Variants in PIEZO2 observed in about 807,000 individuals in gnomAD.
PIEZO2 encodes the protein piezo-type mechanosensitive ion channel component 2.
PIEZO2 carries 172 observed loss-of-function variants against 337.3 expected under a neutral mutation model. The ratio of observed to expected loss-of-function variants is 0.51; its 90% CI spans 0.45 to 0.58. PIEZO2 has a LOEUF of 0.58. Among genes scored for constraint, PIEZO2 ranks in the 20% least tolerant of loss-of-function variants. PIEZO2 has a pLI of 0.00. For synonymous variants in PIEZO2, 1,251 were observed against 1,228.5 expected, an observed-to-expected ratio of 1.02 and a Z score of -0.38; for missense variants, 3,028 against 3,391.3, an observed-to-expected ratio of 0.89 and a Z score of 2.66.
In PIEZO2 at chr18:11,132,058, T is replaced by C. The variant is rs1383910839; in HGVS notation, c.64+16467A>G. On this transcript the variant is annotated intron_variant, in intron 1 of 55. Transcript: ENST00000674853. This position sits in a 1 kb window ranked among gnomAD's most constrained non-coding sequence, Gnocchi z 4.7. ...ATACTGAGCCCTCGATATGTCACCT[T>C]TCCTCAGGGTGATCAGCCAGCTACC... 6.6e-6 allele frequency among the ~76,000 whole-genome samples: 1 copy of C among 152,196 alleles called. No homozygotes were observed. Among genetic ancestry groups the C allele is most frequent in the Non-Finnish European group, 1.5e-5 (1 of 68,042 alleles).
chr18:11,002,686 C>T lies in PIEZO2; in HGVS notation c.161-23026G>A, dbSNP rs537129817. On this transcript the variant is annotated intron_variant, in intron 2 of 55. Coordinates refer to ENST00000674853, the MANE Select transcript of PIEZO2 (RefSeq NM_001378183.1). The surrounding 1 kb of genome is among the most constrained non-coding windows in gnomAD (Gnocchi z 4.3). ...TTGCTTTGTTGCAATGTTTTACTGG[C>T]GGCGGCGGGGAACACATTCAGGCAG... 2.0e-5 allele frequency among the ~76,000 whole-genome samples: 3 copies of T among 152,252 alleles called. No homozygotes were observed. Among genetic ancestry groups the T allele is most frequent in the East Asian group, 1.9e-4 (1 of 5,182 alleles).
Position 10,853,662 on chromosome 18 carries a change from C to A in PIEZO2, c.917+1691G>T, listed in dbSNP as rs2041619333. On this transcript the variant is annotated intron_variant, in intron 7 of 55. Transcript: ENST00000674853. The surrounding 1 kb of genome is among the most constrained non-coding windows in gnomAD (Gnocchi z 4.2). ...AAATAGGACAGTGGATAACCCTATA[C>A]TGATCACCTAGTTTAAATAATTTGA... Among the ~76,000 whole-genome samples the A allele has an allele frequency of 6.6e-6, 1 of 152,182 alleles. No homozygotes were observed. Among genetic ancestry groups the A allele is most frequent in the African/African-American group, 2.4e-5 (1 of 41,450 alleles).
Position 11,016,441 on chromosome 18 carries a change from G to A in PIEZO2, c.161-36781C>T, listed in dbSNP as rs1399920299. 6.6e-6 allele frequency among the ~76,000 whole-genome samples: 1 copy of A among 152,158 alleles called. No individual in the cohort carries two copies. Among genetic ancestry groups the A allele is most frequent in the African/African-American group, 2.4e-5 (1 of 41,444 alleles). ...CAAAACCCAGACAATTCCCTTCAGG[G>A]GCCCCAGAGAGAAAGTGAACCCCTA... On this transcript the variant is annotated intron_variant, in intron 2 of 55. Transcript: ENST00000674853. The surrounding 1 kb of genome is among the most constrained non-coding windows in gnomAD (Gnocchi z 5.6).
At chr18:11,135,541 A>AGATT (rs200521691) in intron 1 of PIEZO2, among the ~76,000 whole-genome samples, 27 of 152,280 alleles carry the variant, frequency 1.8e-4, no homozygotes, top group African/African-American at 2.6e-4. Flanking sequence ...TTCACGTTGC[A>AGATT]GATTGATTGA....
intron 3 of PIEZO2, among the ~76,000 whole-genome samples, chr18:10,967,845 T>C (rs1423646887): frequency 6.6e-6 from 1 of 152,182 alleles, no homozygotes; most frequent in African/African-American, 2.4e-5. Flanking sequence ...TATTAGTCTT[T>C]TGTCAGATGT....
chr18:10,718,482 G>C (rs988302977), intron 36 of PIEZO2, among the ~76,000 whole-genome samples: 1 of 152,190 alleles, frequency 6.6e-6, no homozygotes, highest in Non-Finnish European at 1.5e-5. Context: ...ACATTCGCTG[G>C]TGGGTACCGG....
chr18:10,985,071 A>T (rs1311915761), intron 2 of PIEZO2, among the ~76,000 whole-genome samples: 3 of 152,222 alleles, frequency 2.0e-5, no homozygotes, highest in East Asian at 3.9e-4. Flanking sequence ...ACTGCCCTAT[A>T]AGAAACGCAA....
intron 1 of PIEZO2, among the ~76,000 whole-genome samples, chr18:11,138,545 T>C (rs1395146191): frequency 1.3e-5 from 2 of 152,210 alleles, no homozygotes; most frequent in African/African-American, 4.8e-5. Context: ...TCCACCTTCC[T>C]CAGCCTCCCA....
intron 3 of PIEZO2, among the ~76,000 whole-genome samples, chr18:10,956,326 G>T (rs911526049): frequency 6.6e-6 from 1 of 152,162 alleles, no homozygotes; most frequent in South Asian, 2.1e-4. Flanking sequence ...AATTTAACCA[G>T]GAGAGGAAAG....
rs2036735891 is a variant in PIEZO2, at chr18:11,031,456, G to C, written c.160+34671C>G. On this transcript the variant is annotated intron_variant, in intron 2 of 55. Coordinates refer to ENST00000674853, the MANE Select transcript of PIEZO2 (RefSeq NM_001378183.1). This position sits in a 1 kb window ranked among gnomAD's most constrained non-coding sequence, Gnocchi z 4.7. ...AAAAATTAGTGAACACTACTAGAGT[G>C]TTTTCATTTTGGTTTAGTTATTTCT... Among the ~76,000 whole-genome samples the C allele has an allele frequency of 6.6e-6, 1 of 151,956 alleles. No homozygotes were observed. The highest frequency in any genetic ancestry group is 2.4e-5 in the African/African-American group (1 of 41,364).
intron 43 of PIEZO2, among the ~76,000 whole-genome samples, chr18:10,699,712 T>C (rs9807703): frequency 0.11 from 17,257 of 151,988 alleles, 1,522 homozygotes; most frequent in African/African-American, 0.24. Context: ...TGGGTATAGA[T>C]AATAAGATTT....
intron 7 of PIEZO2, among the ~76,000 whole-genome samples, chr18:10,814,036 C>T (rs946534427): frequency 5.9e-5 from 9 of 151,412 alleles, no homozygotes; most frequent in African/African-American, 2.2e-4. Flanking sequence ...GGCTCAATCT[C>T]GGCTCTCGGC....
chr18:10,677,573 A>C lies in PIEZO2; in HGVS notation c.8081+174T>G. On this transcript the variant is annotated intron_variant, in intron 53 of 55. Transcript: ENST00000674853. This position sits in a 1 kb window ranked among gnomAD's most constrained non-coding sequence, Gnocchi z 4.1. ...CTGGGGACAGTGGACAGAAAACTCC[A>C]TAGCTGAGATTAAGTTTCTTTAATC... 1 of 698,756 alleles carries C rather than the reference A, an allele frequency of 1.4e-6. No homozygotes were observed. The allele number at this position is 698,756 out of a possible 1,614,324, so 43.3% of individuals were successfully genotyped here. A position where few individuals can be genotyped will look rare whatever the true frequency, so the allele number is the denominator to read the frequency against.
At chr18:11,119,390 G>A (rs1177240031) in intron 1 of PIEZO2, among the ~76,000 whole-genome samples, 1 of 152,010 alleles carries the variant, frequency 6.6e-6, no homozygotes, top group African/African-American at 2.4e-5. Flanking sequence ...CACCCATCTC[G>A]GCCTCCCAAA....
At chr18:10,841,146 A>G (rs566011177) in intron 7 of PIEZO2, among the ~76,000 whole-genome samples, 1 of 152,296 alleles carries the variant, frequency 6.6e-6, no homozygotes, top group East Asian at 1.9e-4. Flanking sequence ...TGCTTGGAAC[A>G]ATCAAAAATA....
At chr18:10,867,853 GA>G (rs2042046448) in intron 5 of PIEZO2, among the ~76,000 whole-genome samples, 1 of 152,188 alleles carries the variant, frequency 6.6e-6, no homozygotes, top group East Asian at 1.9e-4. Flanking sequence ...AGTTATGACT[GA>G]TTTGTAGATC....
chr18:11,131,118 C>T lies in PIEZO2; in HGVS notation c.64+17407G>A, dbSNP rs1392847185. On this transcript the variant is annotated intron_variant, in intron 1 of 55. Transcript: ENST00000674853. This position sits in a 1 kb window ranked among gnomAD's most constrained non-coding sequence, Gnocchi z 5.3. ...TCTCCTTTTGAGAGACAGCTCTTGG[C>T]TGACACTGGACTTTGGTGGAAACTG... Among the ~76,000 whole-genome samples the T allele has an allele frequency of 1.3e-5, 2 of 152,230 alleles. No individual in the cohort carries two copies. Among genetic ancestry groups the T allele is most frequent in the Non-Finnish European group, 2.9e-5 (2 of 68,042 alleles).
At chr18:11,084,960 A>G (rs192311033) in intron 1 of PIEZO2, among the ~76,000 whole-genome samples, 1 of 152,354 alleles carries the variant, frequency 6.6e-6, no homozygotes, top group East Asian at 1.9e-4. Context: ...TCTTTGGTTC[A>G]TCTGCTTCAC....
Position 10,855,285 on chromosome 18 carries a change from G to C in PIEZO2, c.917+68C>G. The C allele has an allele frequency of 7.3e-7, 1 of 1,364,036 alleles. No homozygotes were observed. The highest frequency in any genetic ancestry group is 1.0e-6 in the Non-Finnish European group (1 of 995,370). The allele number at this position is 1,364,036 out of a possible 1,614,324, so 84.5% of individuals were successfully genotyped here. On this transcript the variant is annotated intron_variant, in intron 7 of 55. Transcript: ENST00000674853. The surrounding 1 kb of genome is among the most constrained non-coding windows in gnomAD (Gnocchi z 4.9). The stretch of plus-strand genomic sequence containing the variant: ...AGAATAACCCCTGTAAATTCACAAT[G>C]CCAAACCAAGGTCCCAAAGGCGTGG...
Sources: allele counts gnomAD v4.1 joint callset (sites outside exome capture counted in the v4.1 genomes callset), GRCh38; gene constraint gnomAD v4.1.1; non-coding constraint Gnocchi (gnomAD v3.1); transcripts MANE v1.5; gene names NCBI Gene and HGNC (gene_info 2026-07-23, HGNC 2026-07-21).